C5orf34: variants seen among roughly 807,000 people sequenced by gnomAD.
C5orf34 encodes uncharacterized protein C5orf34.
In C5orf34, 73 loss-of-function variants were observed where a neutral mutation model predicts 78.4. The ratio of observed to expected loss-of-function variants is 0.93; its 90% CI spans 0.77 to 1.13. C5orf34 has a LOEUF of 1.13. Among genes scored for constraint, C5orf34 ranks in the 50% most tolerant of loss-of-function variants. C5orf34 has a pLI of 0.00. For synonymous variants in C5orf34, 251 were observed against 246.6 expected (o/e 1.02, Z -0.17); for missense variants, 730 against 732.7 (o/e 1.00, Z 0.04).
At chr5:43,503,101 T>G (rs1345047604) in intron 5 of C5orf34, among the ~76,000 whole-genome samples, 4 of 152,224 alleles carry the variant, frequency 2.6e-5, no homozygotes, top group Non-Finnish European at 5.9e-5. Context: ...TCCAAAAATT[T>G]AGCAGTGCTC....
chr5:43,495,406 G>A (rs1579860870), intron 6 of C5orf34: 2 of 1,611,686 alleles, frequency 1.2e-6, no homozygotes, highest in South Asian at 1.1e-5. Flanking sequence ...CGCTTATTTG[G>A]CCTGGATGGT....
intron 11 of C5orf34, among the ~76,000 whole-genome samples, chr5:43,489,133 A>G (rs539621457): frequency 3.4e-4 from 51 of 152,044 alleles, no homozygotes; most frequent in African/African-American, 1.2e-3. Flanking sequence ...ATTTTTCTGG[A>G]TGTAAGAAAC....
intron 1 of C5orf34, among the ~76,000 whole-genome samples, chr5:43,512,420 A>G (rs1746307432): frequency 6.6e-6 from 1 of 152,216 alleles, no homozygotes; most frequent in African/African-American, 2.4e-5. Context: ...TCAGTCTTCA[A>G]TTCACTGCAA....
rs1745964238 is a variant in C5orf34 at position 43,505,916 on chromosome 5, A to G, written c.764T>C (p.Leu255Ser). ...AACPEEWKYP[L>S]SLALHFHNKI... ...ATTATGAAAATGAAGTGCTAAAGAC[A>G]AAGGATATTTCCATTCCTCTGGACA... Residue 255 changes from leucine to serine, a missense_variant, in exon 4 of 13, where the codon TTG becomes TCG. Coordinates refer to ENST00000306862, the MANE Select transcript of C5orf34 (RefSeq NM_198566.4). 6.2e-7 allele frequency: 1 copy of G among 1,613,976 alleles called. No individual in the cohort carries two copies. Among genetic ancestry groups the G allele is most frequent in the Non-Finnish European group, 8.5e-7 (1 of 1,179,934 alleles).
chr5:43,514,328 C>CA (rs1456769089), intron 1 of C5orf34: 5 of 152,108 alleles, frequency 3.3e-5, no homozygotes, highest in African/African-American at 1.2e-4. Context: ...ACGTACTTAT[C>CA]AAATGGCAAT....
Position 43,511,021 on chromosome 5 carries a change from G to C in C5orf34, c.-36-1646C>G, listed in dbSNP as rs531320854. 60 of 194,992 alleles carry C rather than the reference G, an allele frequency of 3.1e-4. No individual in the cohort carries two copies. The South Asian group carries it at 4.3e-3, about 14-fold the overall frequency. The allele number at this position is 194,992 out of a possible 1,614,324, so 12.1% of individuals were successfully genotyped here. A position where few individuals can be genotyped will look rare whatever the true frequency, so the allele number is the denominator to read the frequency against. ...GAGCGTCTCTGCCCGGCCGCCCATC[G>C]TCTGAGATGTGGGGAGCGCCTCTGC... On this transcript the variant is annotated intron_variant, in intron 1 of 12. Transcript: ENST00000306862.
At chr5:43,496,007 C>G in intron 6 of C5orf34, 2 of 1,591,382 alleles carry the variant, frequency 1.3e-6, no homozygotes, top group South Asian at 1.1e-5. Context: ...TTTGTTAACA[C>G]CAACAATTAG....
At chr5:43,505,445 G>A (rs1048931274) in intron 4 of C5orf34, 3 of 283,072 alleles carry the variant, frequency 1.1e-5, no homozygotes, top group Non-Finnish European at 2.0e-5. Context: ...ATCTTTTTAG[G>A]TACAGTGACC....
intron 6 of C5orf34, chr5:43,496,053 G>C: frequency 6.3e-7 from 1 of 1,584,702 alleles, no homozygotes; most frequent in Non-Finnish European, 8.6e-7. Context: ...AGAAGGGCAT[G>C]CTCTCAGGTC....
At chr5:43,494,869 AATAACTT>A (rs1481638319) in intron 6 of C5orf34, among the ~76,000 whole-genome samples, 1 of 152,204 alleles carries the variant, frequency 6.6e-6, no homozygotes, top group Non-Finnish European at 1.5e-5. Context: ...TTTAAAAACT[AATAACTT>A]AAAACTACCA....
rs1037939727 is a variant in C5orf34, at chr5:43,515,086, G to C, written c.-317C>G. The C allele has an allele frequency of 6.6e-6, 1 of 152,222 alleles. No homozygotes were observed. Among genetic ancestry groups the C allele is most frequent in the Non-Finnish European group, 1.5e-5 (1 of 68,052 alleles). The allele number at this position is 152,222 out of a possible 1,614,324, so 9.4% of individuals were successfully genotyped here. A position where few individuals can be genotyped will look rare whatever the true frequency, so the allele number is the denominator to read the frequency against. ...CCAACTGTAACCACTAAGAGAAAGC[G>C]CAAACCGCACAAGACCAGTTCAAAA... On this transcript the variant is annotated 5_prime_UTR_variant, in exon 1 of 13. Transcript: ENST00000306862.
chr5:43,496,581 AATTTTTTTTTT>A, intron 6 of C5orf34: 1 of 608,942 alleles, frequency 1.6e-6, no homozygotes. Context: ...AGTTTTTTTT[AATTTTTTTTTT>A]TTTTTTTTTT....
intron 8 of C5orf34, 98 bp from the exon 9 acceptor site, chr5:43,492,988 C>G: frequency 1.5e-6 from 1 of 658,920 alleles, no homozygotes; most frequent in Non-Finnish European, 2.4e-6. Context: ...GATACTTATT[C>G]AGAAGTCAAA....
rs866036194 is a variant in C5orf34 at position 43,492,661 on chromosome 5, T to C, written c.1485+59A>G. On this transcript the variant is annotated intron_variant, in intron 9 of 12. Coordinates refer to ENST00000306862, the MANE Select transcript of C5orf34 (RefSeq NM_198566.4). Reference sequence around the variant, plus strand: ...GAAATAGTGTGGTACTTTGTTTTCTTTGTTCTGTTTTCCACAGATTACCAA... The same window carrying C: ...GAAATAGTGTGGTACTTTGTTTTCTCTGTTCTGTTTTCCACAGATTACCAA... The C allele has an allele frequency of 1.5e-5, 21 of 1,415,042 alleles. No individual in the cohort carries two copies. In the African/African-American group the frequency reaches 2.2e-4, roughly 15 times the overall value. 87.7% of individuals were successfully genotyped at this position (1,415,042 alleles called of 1,614,324 possible).
In C5orf34 at chr5:43,494,608, A is replaced by G. The variant is rs1218677709; in HGVS notation, c.1153-7T>C. On this transcript the variant is annotated splice_polypyrimidine_tract_variant and splice_region_variant and intron_variant, in intron 6 of 12. Coordinates refer to ENST00000306862, the MANE Select transcript of C5orf34 (RefSeq NM_198566.4). ...AGTAAGTTTTCTCTTCTCTCTGAAA[A>G]TTAGTTAAAATGAAAAATTTCATTA... 3.9e-6 allele frequency: 6 copies of G among 1,549,110 alleles called. No individual in the cohort carries two copies. The African/African-American group carries it at 8.2e-5, about 21-fold the overall frequency.
In C5orf34 at chr5:43,505,879, A is replaced by G. The variant is rs2112319664; in HGVS notation, c.801T>C (p.Asn267=). 6.2e-7 allele frequency: 1 copy of G among 1,613,934 alleles called. No individual in the cohort carries two copies. Among genetic ancestry groups the G allele is most frequent in the Middle Eastern group, 1.7e-4 (1 of 6,060 alleles). ...TTATATGTGCATCAATTTTAGACAT[A>G]TTGCTGATTTTATTATGAAAATGAA... ...LALHFHNKIS[N]MSKIDAHITQ... The change falls in exon 4 of 13, where the codon AAT becomes AAC. Residue 267 remains asparagine (N), a synonymous_variant. Coordinates refer to ENST00000306862, the MANE Select transcript of C5orf34 (RefSeq NM_198566.4).
chr5:43,499,683 T>C, intron 6 of C5orf34, among the ~76,000 whole-genome samples: 1 of 152,176 alleles, frequency 6.6e-6, no homozygotes, highest in East Asian at 1.9e-4. Context: ...ATGGGTTTAT[T>C]TTTTGTTCTT....
chr5:43,492,321 GA>G lies in C5orf34; in HGVS notation c.1486-13del, dbSNP rs768637972. 10 of 1,532,912 alleles carry G rather than the reference GA, an allele frequency of 6.5e-6. No individual in the cohort carries two copies. The highest frequency in any genetic ancestry group is 9.0e-6 in the Non-Finnish European group (10 of 1,114,276). The allele number at this position is 1,532,912 out of a possible 1,614,324, so 95.0% of individuals were successfully genotyped here. A position where few individuals can be genotyped will look rare whatever the true frequency, so the allele number is the denominator to read the frequency against. On this transcript the variant is annotated splice_polypyrimidine_tract_variant and intron_variant, in intron 9 of 12. Coordinates refer to ENST00000306862, the MANE Select transcript of C5orf34 (RefSeq NM_198566.4). ...AGACCTTGATTTACCTGAAGAAGTA[GA>G]AAGATAAGTTTTATCATTTTAGAAC...
intron 1 of C5orf34, among the ~76,000 whole-genome samples, chr5:43,510,727 T>C (rs1462064195): frequency 6.6e-6 from 1 of 152,104 alleles, no homozygotes; most frequent in Non-Finnish European, 1.5e-5. Flanking sequence ...GCAGACAGAG[T>C]CTCATTCACT....
Sources: allele counts gnomAD v4.1 joint callset (sites outside exome capture counted in the v4.1 genomes callset), GRCh38; gene constraint gnomAD v4.1.1; transcripts MANE v1.5; gene names NCBI Gene and HGNC (gene_info 2026-07-23, HGNC 2026-07-21).